The following BRI3 variants were observed in gnomAD, a reference collection of about 807,000 sequenced individuals.
The protein encoded by BRI3 is membrane protein BRI3.
Under a neutral mutation model 12.8 loss-of-function variants are expected in BRI3, and 6 were observed. The observed-to-expected ratio is 0.47, with a 90% confidence interval of 0.26 to 0.93. BRI3 has a LOEUF of 0.93. Ranked by LOEUF, BRI3 falls within the 40% of genes least tolerant of loss-of-function variation. The probability of loss-of-function intolerance (pLI) is 0.15; values close to 1 mark genes in which losing one functional copy is unlikely to be tolerated. For synonymous variants in BRI3, 91 were observed against 76.1 expected, an observed-to-expected ratio of 1.20 and a Z score of -1.02; for missense variants, 134 against 171.1, an observed-to-expected ratio of 0.78 and a Z score of 1.21.
exon 2 of BRI3, chr7:98,309,273 GC>G (rs1304629209): frequency 6.6e-6 from 1 of 152,076 alleles, no homozygotes; most frequent in Non-Finnish European, 1.5e-5. Flanking sequence ...TCTTGCCTCA[GC>G]CTCCTGAACA....
chr7:98,291,315 T>C lies in BRI3; in HGVS notation c.*72T>C, dbSNP rs977693263. The C allele has an allele frequency of 2.5e-6, 4 of 1,587,606 alleles. No homozygotes were observed. The highest frequency in any genetic ancestry group is 3.4e-6 in the Non-Finnish European group (4 of 1,165,428). On this transcript the variant is annotated 3_prime_UTR_variant, in exon 3 of 3. Coordinates refer to ENST00000297290, the MANE Select transcript of BRI3 (RefSeq NM_015379.5). Reference sequence around the variant, plus strand: ...ATGTAAATGTTGTGTACAATAATTTTATTTGATTAAGCTTCAGGACTGTTT... The same window carrying C: ...ATGTAAATGTTGTGTACAATAATTTCATTTGATTAAGCTTCAGGACTGTTT...
At chr7:98,317,189 A>G in the BRI3 span, 1 of 1,613,924 alleles carries the variant, frequency 6.2e-7, no homozygotes, top group Non-Finnish European at 8.5e-7. Context: ...TCAACAACAA[A>G]AGAAAACAAG....
chr7:98,317,072 C>T, the BRI3 span: 351 of 988,518 alleles, frequency 3.6e-4, 4 homozygotes, highest in South Asian at 2.8e-3. Flanking sequence ...AGGCTGGTCT[C>T]GAACTCCTGA....
At chr7:98,310,514 G>T (rs1424091703), downstream of BRI3, 1 of 1,606,314 alleles carries the variant, frequency 6.2e-7, no homozygotes, top group Non-Finnish European at 8.5e-7. Flanking sequence ...TCGATCAAGG[G>T]ACTGGTATAT....
downstream of BRI3, among the ~76,000 whole-genome samples, chr7:98,315,078 T>C (rs1217141313): frequency 6.6e-6 from 1 of 152,182 alleles, no homozygotes; most frequent in African/African-American, 2.4e-5. Flanking sequence ...TGCTTTATAT[T>C]GGGCATGTGT....
At chr7:98,306,353 G>A (rs554579335), upstream of BRI3, 16 of 1,509,160 alleles carry the variant, frequency 1.1e-5, no homozygotes, top group Middle Eastern at 5.1e-4. Context: ...GGCAGGGCCT[G>A]CGACACAGCT....
At chr7:98,315,403 A>C, downstream of BRI3, 1 of 1,323,860 alleles carries the variant, frequency 7.6e-7, no homozygotes, top group Non-Finnish European at 9.8e-7. Context: ...CTTCTGGGGC[A>C]TTTAAATATG....
downstream of BRI3, chr7:98,293,465 C>G: frequency 6.6e-7 from 1 of 1,521,214 alleles, no homozygotes; most frequent in Middle Eastern, 2.3e-4. Context: ...ACAGGATGCG[C>G]CCATCATTCC....
downstream of BRI3, among the ~76,000 whole-genome samples, chr7:98,294,368 C>G (rs900920188): frequency 6.6e-6 from 1 of 152,178 alleles, no homozygotes; most frequent in African/African-American, 2.4e-5. Context: ...TGCCCTGTCC[C>G]AATCTGTTAG....
chr7:98,292,571 A>G (rs549361525), downstream of BRI3: 118 of 1,463,018 alleles, frequency 8.1e-5, no homozygotes, highest in Non-Finnish European at 1.1e-4. Context: ...TAGTCCTCAC[A>G]TCCATACCAT....
downstream of BRI3, chr7:98,294,130 A>C: frequency 6.2e-7 from 1 of 1,613,046 alleles, no homozygotes; most frequent in Non-Finnish European, 8.5e-7. Context: ...AAGATAAAGA[A>C]GTTTATGGAG....
chr7:98,293,961 C>T (rs748467380), downstream of BRI3: 319 of 1,252,198 alleles, frequency 2.5e-4, no homozygotes, highest in Non-Finnish European at 3.4e-4. Flanking sequence ...CTCCACAGGC[C>T]GAGGCCTTTC....
At chr7:98,281,993 G>T (rs1394811769) in intron 1 of BRI3, 56 bp downstream of exon 1, 25 of 1,287,898 alleles carry the variant, frequency 1.9e-5, no homozygotes, top group Non-Finnish European at 2.3e-5. Context: ...AAGCCCGGTC[G>T]GGGGACGTGG....
At chr7:98,297,113 T>G (rs963230554), downstream of BRI3, among the ~76,000 whole-genome samples, 1 of 152,134 alleles carries the variant, frequency 6.6e-6, no homozygotes, top group African/African-American at 2.4e-5. Flanking sequence ...ACGAGAGTGG[T>G]TGGGCTGCAA....
upstream of BRI3, among the ~76,000 whole-genome samples, chr7:98,302,080 G>A (rs1019366370): frequency 3.3e-5 from 5 of 152,194 alleles, no homozygotes; most frequent in Non-Finnish European, 5.9e-5. Context: ...TCCAGCCAAC[G>A]AAGAGGTTTA....
rs922861939 is a variant in BRI3, at chr7:98,281,717, C to T, written c.-79C>T. 2.6e-6 allele frequency: 2 copies of T among 768,414 alleles called. No individual in the cohort carries two copies. The highest frequency in any genetic ancestry group is 3.1e-6 in the Non-Finnish European group (2 of 637,848). 47.6% of individuals were successfully genotyped at this position (768,414 alleles called of 1,614,324 possible). A position where few individuals can be genotyped will look rare whatever the true frequency, so the allele number is the denominator to read the frequency against. On this transcript the variant is annotated 5_prime_UTR_variant, in exon 1 of 3. Coordinates refer to ENST00000297290, the MANE Select transcript of BRI3 (RefSeq NM_015379.5). ...GCCCGAGCCACCCGGTCCGCCGCGT[C>T]CCCGCCGCCGCCGCCGCGTCCCCCG...
downstream of BRI3, among the ~76,000 whole-genome samples, chr7:98,294,433 C>T (rs1006494984): frequency 2.0e-5 from 3 of 152,218 alleles, no homozygotes; most frequent in African/African-American, 7.2e-5. Context: ...CTCTGAAAGG[C>T]GGTAGCGGCC....
Position 98,281,746 on chromosome 7 carries a change from G to T in BRI3, c.-50G>T, listed in dbSNP as rs1203293142. 2.1e-6 allele frequency: 2 copies of T among 955,602 alleles called. No individual in the cohort carries two copies. The highest frequency in any genetic ancestry group is 2.5e-6 in the Non-Finnish European group (2 of 800,822). 59.2% of individuals were successfully genotyped at this position (955,602 alleles called of 1,614,324 possible). A position where few individuals can be genotyped will look rare whatever the true frequency, so the allele number is the denominator to read the frequency against. On this transcript the variant is annotated 5_prime_UTR_variant, in exon 1 of 3. Coordinates refer to ENST00000297290, the MANE Select transcript of BRI3 (RefSeq NM_015379.5). The stretch of plus-strand genomic sequence containing the variant: ...GCCGCCGCCGCCGCGTCCCCCGCCG[G>T]GGCCGACCGAGCCGAGCCGGGCCGG...
chr7:98,283,940 G>T (rs146535405), intron 2 of BRI3, among the ~76,000 whole-genome samples: 1 of 152,194 alleles, frequency 6.6e-6, no homozygotes, highest in Admixed American at 6.5e-5. Flanking sequence ...CTGTCGGTAT[G>T]GGGGCACTGG....
Sources: allele counts gnomAD v4.1 joint callset (sites outside exome capture counted in the v4.1 genomes callset), GRCh38; gene constraint gnomAD v4.1.1; transcripts MANE v1.5; gene names NCBI Gene and HGNC (gene_info 2026-07-23, HGNC 2026-07-21).